The following UPK1B variants were observed in gnomAD, a reference collection of about 807,000 sequenced individuals.
UPK1B encodes uroplakin-1b.
A neutral mutation model predicts 34.2 loss-of-function variants in UPK1B; 28 were observed. The observed-to-expected ratio is 0.82, with a 90% CI of 0.61 to 1.12. The LOEUF is 1.12. UPK1B is among the 50% of genes most tolerant of loss of function. UPK1B has a pLI of 0.00. For missense variants in UPK1B, 325 were observed against 320.9 expected (o/e 1.01, Z -0.10); for synonymous variants, 81 against 110.4 (o/e 0.73, Z 1.67).
At chr3:119,180,355 G>A (rs571254941) in intron 1 of UPK1B, among the ~76,000 whole-genome samples, 56 of 152,252 alleles carry the variant, frequency 3.7e-4, no homozygotes, top group African/African-American at 1.3e-3. Flanking sequence ...GCAATATCTA[G>A]ACTGATATCT....
rs775689896 is a variant in UPK1B at position 119,187,780 on chromosome 3, C to T, written c.75C>T (p.Cys25=). 37 of 1,612,784 alleles carry T rather than the reference C, an allele frequency of 2.3e-5. No individual in the cohort carries two copies. The highest frequency in any genetic ancestry group is 1.0e-4 in the Admixed American group (6 of 59,910). Residue 25 remains cysteine (C), a synonymous_variant, in exon 3 of 8, where the codon TGC becomes TGT. Transcript: ENST00000264234. ...LIFGNVIIGC[C]GIALTAECIF... is the part of the protein sequence containing the mutation. ...CACCTTTCATTTGCCCCCAGTGTTG[C>T]GGCATTGCCCTGACTGCGGAGTGCA...
intron 1 of UPK1B, 36 bp downstream of exon 1, chr3:119,173,674 C>T (rs1288947477): frequency 1.3e-5 from 2 of 152,206 alleles, no homozygotes; most frequent in African/African-American, 4.8e-5. Flanking sequence ...GGGAATCTCC[C>T]GGGCTCAAGG....
intron 1 of UPK1B, among the ~76,000 whole-genome samples, chr3:119,179,058 G>A (rs1262977536): frequency 6.6e-6 from 1 of 151,792 alleles, no homozygotes; most frequent in Non-Finnish European, 1.5e-5. Flanking sequence ...AGAGAGAGAG[G>A]CAACGTATGG....
chr3:119,175,012 CT>C (rs374721069), intron 1 of UPK1B, among the ~76,000 whole-genome samples: 10 of 67,434 alleles, frequency 1.5e-4, no homozygotes, highest in African/African-American at 3.1e-4. Flanking sequence ...CTTTTATTTT[CT>C]TTTTTTTTTT....
intron 5 of UPK1B, among the ~76,000 whole-genome samples, chr3:119,192,634 C>T (rs577928114): frequency 1.3e-5 from 2 of 151,992 alleles, no homozygotes; most frequent in Non-Finnish European, 2.9e-5. Flanking sequence ...AGACAAGAAC[C>T]ACCTCATCTT....
intron 3 of UPK1B, 76 bp downstream of exon 3, chr3:119,188,051 C>T (rs1559902042): frequency 6.6e-7 from 1 of 1,504,840 alleles, no homozygotes; most frequent in Non-Finnish European, 9.2e-7. Flanking sequence ...CTGAGCAATG[C>T]TTTGGCTTTC....
At chr3:119,190,067 A>G (rs1031280991) in intron 3 of UPK1B, among the ~76,000 whole-genome samples, 178 bp from the exon 4 acceptor site, 3 of 152,244 alleles carry the variant, frequency 2.0e-5, no homozygotes, top group Non-Finnish European at 4.4e-5. Flanking sequence ...AAAGGAGAGA[A>G]TTGAGCTGAC....
intron 1 of UPK1B, among the ~76,000 whole-genome samples, chr3:119,184,349 G>A (rs2078005343): frequency 6.6e-6 from 1 of 152,106 alleles, no homozygotes; most frequent in African/African-American, 2.4e-5. Context: ...CGGTGCCTCT[G>A]TCTTTCTCCA....
At chr3:119,203,803 C>CAA (rs55795433) in intron 7 of UPK1B, 114 bp from the exon 8 acceptor site, 32 of 1,083,780 alleles carry the variant, frequency 3.0e-5, no homozygotes, top group Non-Finnish European at 3.8e-5. Context: ...AACAAACAAA[C>CAA]AAAAAAATCT....
chr3:119,191,201 C>G, intron 5 of UPK1B, 97 bp downstream of exon 5: 1 of 1,370,640 alleles, frequency 7.3e-7, no homozygotes, highest in South Asian at 1.5e-5. Flanking sequence ...TTATTTCAAG[C>G]CATGATGATT....
At chr3:119,198,993 C>T in intron 6 of UPK1B, 64 bp from the exon 7 acceptor site, 1 of 1,573,502 alleles carries the variant, frequency 6.4e-7, no homozygotes, top group Non-Finnish European at 8.7e-7. Flanking sequence ...ACCTGCTTTC[C>T]CATCAATCTC....
chr3:119,186,590 C>T lies in UPK1B; in HGVS notation c.-28-124C>T, dbSNP rs563679968. 5.6e-5 allele frequency: 37 copies of T among 659,890 alleles called. No individual in the cohort carries two copies. In the African/African-American group the frequency reaches 6.8e-4, roughly 12 times the overall value. 40.9% of individuals were successfully genotyped at this position (659,890 alleles called of 1,614,324 possible). ...TTACCAAGCTCAATAATCAAATGTC[C>T]TTCATCGCTAAAAGATTATATGGCT... On this transcript the variant is annotated intron_variant, in intron 1 of 7. Coordinates refer to ENST00000264234, the MANE Select transcript of UPK1B (RefSeq NM_006952.4).
Position 119,179,397 on chromosome 3 carries a change from AT to A in UPK1B, c.-29+5761del, listed in dbSNP as rs760130664. Among the ~76,000 whole-genome samples, 100 of 61,154 alleles carry A rather than the reference AT, an allele frequency of 1.6e-3. 1 individual carries two copies. The highest frequency in any genetic ancestry group is 2.0e-3 in the Non-Finnish European group (58 of 28,910). The allele number at this position is 61,154 out of a possible 152,430, so 40.1% of individuals were successfully genotyped here. ...TATATATATATATATATATATATATATTAATTCTAAGGAATTAACCTATGTG... is the reference window on the plus strand; with the variant it reads ...TATATATATATATATATATATATATATAATTCTAAGGAATTAACCTATGTG... On this transcript the variant is annotated intron_variant, in intron 1 of 7. Coordinates refer to ENST00000264234, the MANE Select transcript of UPK1B (RefSeq NM_006952.4).
intron 3 of UPK1B, among the ~76,000 whole-genome samples, chr3:119,189,735 A>G (rs1318548964): frequency 2.0e-5 from 3 of 152,248 alleles, no homozygotes; most frequent in African/African-American, 7.2e-5. Flanking sequence ...GATGTTCAAC[A>G]TTATCCAGTT....
At chr3:119,181,407 C>A (rs1019065135) in intron 1 of UPK1B, among the ~76,000 whole-genome samples, 1 of 152,140 alleles carries the variant, frequency 6.6e-6, no homozygotes, top group Admixed American at 6.5e-5. Flanking sequence ...CAAAAATAAG[C>A]AAAATTAGTA....
chr3:119,175,672 T>C lies in UPK1B; in HGVS notation c.-29+2034T>C, dbSNP rs924769610. On this transcript the variant is annotated intron_variant, in intron 1 of 7. Coordinates refer to ENST00000264234, the MANE Select transcript of UPK1B (RefSeq NM_006952.4). ...CTTACAGCTAGTCCCTGATTTCCAA[T>C]GGGTGGATGACTCCCATCATACTGG... 2.6e-5 allele frequency among the ~76,000 whole-genome samples: 4 copies of C among 151,978 alleles called. No individual in the cohort carries two copies. In the South Asian group the frequency reaches 6.2e-4, roughly 24 times the overall value.
At chr3:119,194,184 C>A in intron 5 of UPK1B, 35 bp from the exon 6 acceptor site, 1 of 1,606,816 alleles carries the variant, frequency 6.2e-7, no homozygotes, top group Admixed American at 1.7e-5. Flanking sequence ...GTAGGGACCA[C>A]GAAAGAGAAT....
chr3:119,178,096 G>A (rs9868497), intron 1 of UPK1B, among the ~76,000 whole-genome samples: 42,715 of 151,538 alleles, frequency 0.28, 6,222 homozygotes, highest in East Asian at 0.43. Context: ...TTGGGGGGGT[G>A]GGGCACGCAG....
At chr3:119,203,211 C>G (rs574972113) in intron 7 of UPK1B, among the ~76,000 whole-genome samples, 1 of 151,460 alleles carries the variant, frequency 6.6e-6, no homozygotes, top group East Asian at 1.9e-4. Context: ...CATGGTGGCG[C>G]GTGCCTGTAG....
Sources: gnomAD v4.1 joint callset for allele counts (sites outside exome capture counted in the v4.1 genomes callset) on GRCh38, gnomAD v4.1.1 for gene constraint, MANE v1.5 for transcripts, NCBI Gene and HGNC (gene_info 2026-07-23, HGNC 2026-07-21) for gene names.